Variants in EIF1AD observed in about 807,000 individuals in gnomAD.
EIF1AD encodes eukaryotic translation initiation factor 1A domain containing, also known as probable RNA-binding protein EIF1AD.
Under a neutral mutation model 21.7 loss-of-function variants are expected in EIF1AD, and 9 were observed. The ratio of observed to expected loss-of-function variants is 0.41; its 90% CI spans 0.25 to 0.72. The LOEUF (loss-of-function observed/expected upper bound fraction) is 0.72. Ranked by LOEUF, EIF1AD falls within the 30% of genes least tolerant of loss-of-function variation. The pLI is 0.29. For missense variants in EIF1AD, 164 were observed against 199.7 expected (o/e 0.82, Z 1.08); for synonymous variants, 78 against 70.9 (o/e 1.10, Z -0.50).
Position 65,998,542 on chromosome 11 carries a change from A to C in EIF1AD, c.*57T>G, listed in dbSNP as rs1855812741. On this transcript the variant is annotated 3_prime_UTR_variant, in exon 6 of 6. Transcript: ENST00000533544. ...GTGCAGAGCACCCTGGGAATGTCCA[A>C]GCCCAGAAGAGCCAGGGGCCAGTCC... 1.3e-6 allele frequency: 2 copies of C among 1,595,856 alleles called. No homozygotes were observed. The highest frequency in any genetic ancestry group is 1.7e-6 in the Non-Finnish European group (2 of 1,171,040).
Position 66,000,422 on chromosome 11 carries a change from G to A in EIF1AD, c.-33C>T, listed in dbSNP as rs1416732988. 5.7e-6 allele frequency: 9 copies of A among 1,571,510 alleles called. No homozygotes were observed. Among genetic ancestry groups the A allele is most frequent in the Non-Finnish European group, 7.8e-6 (9 of 1,157,464 alleles). On this transcript the variant is annotated 5_prime_UTR_variant, in exon 2 of 6. Coordinates refer to ENST00000533544, the MANE Select transcript of EIF1AD (RefSeq NM_001242481.2). The stretch of plus-strand genomic sequence containing the variant: ...TCGTCCCACACTGGTTAGGAACGAA[G>A]AGACTGTCAACTCCTCCTCCTGAGT...
At position 66,000,451 on chromosome 11, in the gene EIF1AD, T is replaced by C. The variant is rs912358826; in HGVS notation, c.-62A>G. ...CTGTCAACTCCTCCTCCTGAGTTCC[T>C]TGGATGGCAGGCTCAGAACCCAGGA... On this transcript the variant is annotated 5_prime_UTR_variant, in exon 2 of 6. Transcript: ENST00000533544. The C allele has an allele frequency of 6.6e-7, 1 of 1,519,030 alleles. No homozygotes were observed. Among genetic ancestry groups the C allele is most frequent in the Non-Finnish European group, 8.9e-7 (1 of 1,118,354 alleles). The allele number at this position is 1,519,030 out of a possible 1,614,324, so 94.1% of individuals were successfully genotyped here.
intron 1 of EIF1AD, among the ~76,000 whole-genome samples, chr11:66,001,264 G>C (rs1249558990): frequency 6.6e-6 from 1 of 152,040 alleles, no homozygotes; most frequent in Non-Finnish European, 1.5e-5. Context: ...ACGATGTCAG[G>C]AGATCGAGAC....
chr11:66,000,522 T>G lies in EIF1AD; in HGVS notation c.-116-17A>C. The stretch of plus-strand genomic sequence containing the variant: ...GGCCTTTTACTGAGGGGTGACACGG[T>G]GTCTTGGTTAAGAACATGGGTTCTG... On this transcript the variant is annotated splice_polypyrimidine_tract_variant and intron_variant, in intron 1 of 5. Transcript: ENST00000533544. 1 of 806,976 alleles carries G rather than the reference T, an allele frequency of 1.2e-6. No homozygotes were observed. 50.0% of individuals were successfully genotyped at this position (806,976 alleles called of 1,614,324 possible). A position where few individuals can be genotyped will look rare whatever the true frequency, so the allele number is the denominator to read the frequency against.
rs919997464 is a variant in EIF1AD at position 65,996,607 on chromosome 11, TCATATATA to T, written c.*1984_*1991del. The T allele has an allele frequency of 1.3e-5, 2 of 152,090 alleles. No individual in the cohort carries two copies. Among genetic ancestry groups the T allele is most frequent in the African/African-American group, 4.8e-5 (2 of 41,422 alleles). 9.4% of individuals were successfully genotyped at this position (152,090 alleles called of 1,614,324 possible). ...TCTACATACATTTTATACATTATATTCATATATACATATATACAAATGTATATATGTTT... is the reference window on the plus strand; with the variant it reads ...TCTACATACATTTTATACATTATATTCATATATACAAATGTATATATGTTT... On this transcript the variant is annotated 3_prime_UTR_variant, in exon 6 of 6. Transcript: ENST00000533544.
At chr11:65,999,756 C>T (rs1855872490) in intron 3 of EIF1AD, 81 bp from the exon 4 acceptor site, 1 of 947,552 alleles carries the variant, frequency 1.1e-6, no homozygotes, top group African/African-American at 1.7e-5. Flanking sequence ...GTTCTATCTC[C>T]TAGAGAGGGC....
chr11:65,999,792 CTTTTT>C, intron 3 of EIF1AD, 117 bp from the exon 4 acceptor site: 2 of 748,118 alleles, frequency 2.7e-6, no homozygotes, highest in Non-Finnish European at 4.4e-6. Context: ...TCTCTTTTTT[CTTTTT>C]TTTGAGACAG....
intron 5 of EIF1AD, 44 bp from the exon 6 acceptor site, chr11:65,998,787 G>A: frequency 1.9e-6 from 3 of 1,598,730 alleles, no homozygotes; most frequent in Non-Finnish European, 2.6e-6. Context: ...CGCCTTCTGG[G>A]AAAATAATAT....
chr11:66,001,079 C>A (rs1329240410), intron 1 of EIF1AD, among the ~76,000 whole-genome samples: 2 of 151,988 alleles, frequency 1.3e-5, no homozygotes, highest in African/African-American at 4.8e-5. Context: ...CGCTCCCGGC[C>A]GAATAAAAAA....
chr11:65,998,517 G>C lies in EIF1AD; in HGVS notation c.*82C>G. The C allele has an allele frequency of 6.5e-7, 1 of 1,539,650 alleles. No individual in the cohort carries two copies. Among genetic ancestry groups the C allele is most frequent in the South Asian group, 1.2e-5 (1 of 81,756 alleles). On this transcript the variant is annotated 3_prime_UTR_variant, in exon 6 of 6. Coordinates refer to ENST00000533544, the MANE Select transcript of EIF1AD (RefSeq NM_001242481.2). The stretch of plus-strand genomic sequence containing the variant: ...TTTGTCCTCATGCAGGGGTGAAGAT[G>C]TGCAGAGCACCCTGGGAATGTCCAA...
intron 5 of EIF1AD, among the ~76,000 whole-genome samples, chr11:65,998,993 C>T (rs1263414157): frequency 3.9e-5 from 6 of 152,196 alleles, no homozygotes; most frequent in East Asian, 3.8e-4. Context: ...AATGATTCTA[C>T]GACCACCAAC....
At chr11:66,001,093 TCTTC>T (rs1225995867) in intron 1 of EIF1AD, among the ~76,000 whole-genome samples, 1 of 152,140 alleles carries the variant, frequency 6.6e-6, no homozygotes, top group Non-Finnish European at 1.5e-5. Context: ...TAAAAAAACC[TCTTC>T]CTTCTTTAAT....
chr11:66,001,117 G>A (rs1320533784), intron 1 of EIF1AD, among the ~76,000 whole-genome samples: 1 of 152,166 alleles, frequency 6.6e-6, no homozygotes, highest in African/African-American at 2.4e-5. Context: ...TCTGGTGTCT[G>A]AGGAGTTCTG....
At position 65,998,509 on chromosome 11, in the gene EIF1AD, G is replaced by A. The variant is rs1855811782; in HGVS notation, c.*90C>T. On this transcript the variant is annotated 3_prime_UTR_variant, in exon 6 of 6. Transcript: ENST00000533544. ...AGCCCTGCTTTGTCCTCATGCAGGG[G>A]TGAAGATGTGCAGAGCACCCTGGGA... is the stretch of plus-strand genomic sequence containing the variant. The A allele has an allele frequency of 2.0e-6, 3 of 1,496,714 alleles. No homozygotes were observed. Among genetic ancestry groups the A allele is most frequent in the African/African-American group, 1.4e-5 (1 of 71,806 alleles). 92.7% of individuals were successfully genotyped at this position (1,496,714 alleles called of 1,614,324 possible).
In EIF1AD at chr11:65,997,839, G is replaced by A. The variant is rs1002763637; in HGVS notation, c.*760C>T. On this transcript the variant is annotated 3_prime_UTR_variant, in exon 6 of 6. Transcript: ENST00000533544. Reference sequence around the variant, plus strand: ...GGCTGGTTAGAAGAATGAAGGGTGAGGGTGGAAAAGCAGCCTCTATTTAAA... The same window carrying A: ...GGCTGGTTAGAAGAATGAAGGGTGAAGGTGGAAAAGCAGCCTCTATTTAAA... 2.6e-5 allele frequency: 4 copies of A among 152,196 alleles called. No homozygotes were observed. Among genetic ancestry groups the A allele is most frequent in the African/African-American group, 7.2e-5 (3 of 41,436 alleles). The allele number at this position is 152,196 out of a possible 1,614,324, so 9.4% of individuals were successfully genotyped here.
chr11:66,000,905 A>C (rs969272864), intron 1 of EIF1AD, among the ~76,000 whole-genome samples: 2 of 152,040 alleles, frequency 1.3e-5, no homozygotes, highest in Non-Finnish European at 1.5e-5. Context: ...GCACTGTAAA[A>C]CTTTTTGTTC....
intron 1 of EIF1AD, among the ~76,000 whole-genome samples, chr11:66,001,095 T>C (rs1365877151): frequency 6.6e-6 from 1 of 152,216 alleles, no homozygotes; most frequent in Non-Finnish European, 1.5e-5. Context: ...AAAAAACCTC[T>C]TCCTTCTTTA....
chr11:65,997,323 T>A lies in EIF1AD; in HGVS notation c.*1276A>T. On this transcript the variant is annotated 3_prime_UTR_variant, in exon 6 of 6. Coordinates refer to ENST00000533544, the MANE Select transcript of EIF1AD (RefSeq NM_001242481.2). ...GCCTGAGCAACACAGGGAGACACTCTCTCAAAAAAAAAAAAAAAAAAAAAA... is the reference window on the plus strand; with the variant it reads ...GCCTGAGCAACACAGGGAGACACTCACTCAAAAAAAAAAAAAAAAAAAAAA... 1 of 92,126 alleles carries A rather than the reference T, an allele frequency of 1.1e-5. No individual in the cohort carries two copies. The highest frequency in any genetic ancestry group is 3.0e-4 in the East Asian group (1 of 3,342). 5.7% of individuals were successfully genotyped at this position (92,126 alleles called of 1,614,324 possible). A position where few individuals can be genotyped will look rare whatever the true frequency, so the allele number is the denominator to read the frequency against.
intron 5 of EIF1AD, 61 bp downstream of exon 5, chr11:65,999,289 A>G (rs1855845042): frequency 6.2e-7 from 1 of 1,609,732 alleles, no homozygotes; most frequent in Non-Finnish European, 8.5e-7. Context: ...TTTTTCCCTC[A>G]AGGCACCAAA....
Sources: gnomAD v4.1 joint callset for allele counts (sites outside exome capture counted in the v4.1 genomes callset) on GRCh38, gnomAD v4.1.1 for gene constraint, MANE v1.5 for transcripts, NCBI Gene and HGNC (gene_info 2026-07-23, HGNC 2026-07-21) for gene names.